The following PIP5K1B variants were observed in gnomAD, a reference collection of about 807,000 sequenced individuals.
PIP5K1B encodes the protein phosphatidylinositol-4-phosphate 5-kinase type 1 beta.
Under a neutral mutation model 67.0 loss-of-function variants are expected in PIP5K1B, and 42 were observed. The ratio of observed to expected loss-of-function variants is 0.63; its 90% confidence interval spans 0.49 to 0.81. PIP5K1B has a LOEUF of 0.81. Among genes scored for constraint, PIP5K1B ranks in the 30% least tolerant of loss-of-function variants. The pLI, the probability that PIP5K1B is intolerant of heterozygous loss-of-function variation, is 0.00. For synonymous variants in PIP5K1B, 214 were observed against 231.4 expected (o/e 0.92, Z 0.68); for missense variants, 459 against 646.3 (o/e 0.71, Z 3.14).
intron 5 of PIP5K1B, among the ~76,000 whole-genome samples, chr9:68,873,756 G>A (rs1233811112): frequency 6.6e-6 from 1 of 152,006 alleles, no homozygotes; most frequent in Non-Finnish European, 1.5e-5. Flanking sequence ...CATTTACTAA[G>A]CCACTTAATT....
intron 4 of PIP5K1B, among the ~76,000 whole-genome samples, chr9:68,834,810 A>G (rs2132124078): frequency 6.6e-6 from 1 of 152,266 alleles, no homozygotes. Context: ...GTTGTGGGTC[A>G]CTGTACAGGC....
At chr9:68,903,721 T>C (rs2132451391) in intron 8 of PIP5K1B, among the ~76,000 whole-genome samples, 1 of 152,308 alleles carries the variant, frequency 6.6e-6, no homozygotes, top group Middle Eastern at 3.4e-3. Context: ...CTCTATGCTG[T>C]TGTTCATGCC....
chr9:68,865,715 C>G (rs1260835703), intron 5 of PIP5K1B, among the ~76,000 whole-genome samples: 3 of 152,214 alleles, frequency 2.0e-5, no homozygotes, highest in East Asian at 3.9e-4. Context: ...AAATCCTAAA[C>G]ACTGGCACAC....
intron 4 of PIP5K1B, among the ~76,000 whole-genome samples, chr9:68,843,691 C>T (rs1203512342): frequency 2.0e-5 from 3 of 152,170 alleles, no homozygotes; most frequent in African/African-American, 2.4e-5. Flanking sequence ...CACTTAAATT[C>T]GGAGAGTGAG....
chr9:68,839,143 G>A (rs1821781549), intron 4 of PIP5K1B, among the ~76,000 whole-genome samples: 1 of 152,172 alleles, frequency 6.6e-6, no homozygotes. Context: ...GAAAAAGCTT[G>A]TGTTTCTTTT....
At chr9:68,988,444 G>GTT (rs61373302) in intron 14 of PIP5K1B, among the ~76,000 whole-genome samples, 2,218 of 109,624 alleles carry the variant, frequency 0.02, 34 homozygotes, top group East Asian at 0.064. Flanking sequence ...TTTTTTTGGG[G>GTT]TTTTTTTTTT....
chr9:68,977,909 AGT>A (rs760741658), intron 14 of PIP5K1B, among the ~76,000 whole-genome samples: 7 of 152,030 alleles, frequency 4.6e-5, no homozygotes, highest in African/African-American at 7.2e-5. Context: ...GGCCTCCCAA[AGT>A]GCTGGGATTA....
chr9:68,735,572 T>C (rs2132301756), intron 1 of PIP5K1B, among the ~76,000 whole-genome samples: 1 of 152,246 alleles, frequency 6.6e-6, no homozygotes, highest in East Asian at 1.9e-4. Flanking sequence ...GTATTTTTAG[T>C]AGAGATGGCG....
At chr9:68,862,822 A>AATAAATAT (rs1564191166) in intron 4 of PIP5K1B, among the ~76,000 whole-genome samples, 3 of 144,404 alleles carry the variant, frequency 2.1e-5, no homozygotes, top group Non-Finnish European at 3.0e-5. Context: ...TAAATAAATA[A>AATAAATAT]ATATATATAT....
chr9:68,810,149 C>T (rs1027937313), intron 2 of PIP5K1B, among the ~76,000 whole-genome samples: 3 of 152,226 alleles, frequency 2.0e-5, no homozygotes, highest in East Asian at 1.9e-4. Context: ...TTAACATACA[C>T]AGCCTGAATG....
At chr9:69,004,873 A>G (rs1831001921) in intron 15 of PIP5K1B, among the ~76,000 whole-genome samples, 1 of 152,198 alleles carries the variant, frequency 6.6e-6, no homozygotes, top group South Asian at 2.1e-4. Flanking sequence ...CACTGTGGCC[A>G]TGTTTACAAG....
At position 68,709,318 on chromosome 9, in the gene PIP5K1B, A is replaced by G. The variant is rs1199679009; in HGVS notation, c.-243+3556A>G. ...GTGCAGTGGCCCAACTCCAGCCTCA[A>G]CCTCCCCAGGCTCAGGTAATCCTCC... On this transcript the variant is annotated intron_variant, in intron 1 of 15. Transcript: ENST00000265382. 2.0e-5 allele frequency among the ~76,000 whole-genome samples: 3 copies of G among 151,718 alleles called. No individual in the cohort carries two copies. The East Asian group carries it at 5.8e-4, about 29-fold the overall frequency.
In PIP5K1B at chr9:68,894,567, A is replaced by G; in HGVS notation, c.700A>G (p.Met234Val). Residue 234 changes from methionine (M) to valine (V), a missense_variant, in exon 8 of 16, where the codon ATG becomes GTG. By Grantham distance (21) the Met-to-Val change is conservative. Transcript: ENST00000265382. ...TFKDLDFLQDMHEGLYFDTET... is the reference protein window; with the variant it reads ...TFKDLDFLQDVHEGLYFDTET... ...TAAGGACTTAGATTTCCTGCAAGAC[A>G]TGCACGAAGGGTTGTATTTTGATAC... is the stretch of plus-strand genomic sequence containing the variant. 1 of 1,614,150 alleles carries G rather than the reference A, an allele frequency of 6.2e-7. No individual in the cohort carries two copies. Among genetic ancestry groups the G allele is most frequent in the Non-Finnish European group, 8.5e-7 (1 of 1,179,954 alleles).
chr9:68,939,505 A>G (rs758306979), intron 13 of PIP5K1B, among the ~76,000 whole-genome samples: 3 of 152,264 alleles, frequency 2.0e-5, no homozygotes, highest in Non-Finnish European at 4.4e-5. Flanking sequence ...ATTGCAAGCC[A>G]GGTGTCACAT....
At chr9:68,941,020 A>G (rs1236167742) in intron 14 of PIP5K1B, 3 of 629,518 alleles carry the variant, frequency 4.8e-6, no homozygotes, top group South Asian at 4.5e-5. Context: ...TAGAAATTAT[A>G]TACTTGGCTC....
intron 1 of PIP5K1B, among the ~76,000 whole-genome samples, chr9:68,718,182 G>A (rs1827717649): frequency 6.6e-6 from 1 of 152,186 alleles, no homozygotes; most frequent in Admixed American, 6.5e-5. Flanking sequence ...GTTTTATCAA[G>A]AAGGCATAGT....
At chr9:68,819,758 A>T (rs567439510) in intron 3 of PIP5K1B, among the ~76,000 whole-genome samples, 25 of 152,272 alleles carry the variant, frequency 1.6e-4, no homozygotes, top group African/African-American at 5.5e-4. Flanking sequence ...TCCCTGCTAC[A>T]TGGCCTCTCC....
chr9:68,994,198 G>A (rs931158372), intron 15 of PIP5K1B, among the ~76,000 whole-genome samples: 3 of 151,764 alleles, frequency 2.0e-5, no homozygotes, highest in Admixed American at 6.6e-5. Context: ...CTGCCACCAC[G>A]CCCAGCTAAT....
At chr9:68,798,616 G>C (rs1832421793) in intron 2 of PIP5K1B, among the ~76,000 whole-genome samples, 1 of 152,110 alleles carries the variant, frequency 6.6e-6, no homozygotes, top group African/African-American at 2.4e-5. Flanking sequence ...GTGAGCAAGA[G>C]GAAGCATAGC....
Sources: gnomAD v4.1 joint callset for allele counts (sites outside exome capture counted in the v4.1 genomes callset) on GRCh38, gnomAD v4.1.1 for gene constraint, MANE v1.5 for transcripts, NCBI Gene and HGNC (gene_info 2026-07-23, HGNC 2026-07-21) for gene names.